The following ABHD12B variants were observed in gnomAD, a reference collection of about 807,000 sequenced individuals.
ABHD12B encodes the protein protein ABHD12B.
ABHD12B carries 42 observed loss-of-function variants against 50.4 expected under a neutral mutation model. The observed-to-expected ratio is 0.83, with a 90% CI of 0.65 to 1.08. ABHD12B has a LOEUF of 1.08. Among genes scored for constraint, ABHD12B ranks in the 50% least tolerant of loss-of-function variants. The pLI is 0.00. For missense variants in ABHD12B, 479 were observed against 447.7 expected (o/e 1.07, Z -0.63); for synonymous variants, 167 against 160.3 (o/e 1.04, Z -0.32).
At position 50,872,240 on chromosome 14, in the gene ABHD12B, C is replaced by T. The variant is rs1449676628; in HGVS notation, c.66C>T (p.Cys22=). 3 of 1,393,228 alleles carry T rather than the reference C, an allele frequency of 2.2e-6. No homozygotes were observed. The highest frequency in any genetic ancestry group is 5.5e-5 in the Admixed American group (2 of 36,072). The allele number at this position is 1,393,228 out of a possible 1,614,324, so 86.3% of individuals were successfully genotyped here. Residue 22 remains cysteine, a synonymous_variant, in exon 1 of 13, where the codon TGC becomes TGT. Coordinates refer to ENST00000337334, the MANE Select transcript of ABHD12B (RefSeq NM_001206673.2). ...PEPPGPPARS[C]VAAWWDMVDR... ...CGCCCGGGCCCCCAGCCCGTAGCTG[C>T]GTGGCCGCCTGGTGGGACATGGTCG...
intron 1 of ABHD12B, among the ~76,000 whole-genome samples, chr14:50,877,434 G>A (rs563698359): frequency 3.3e-5 from 5 of 152,228 alleles, no homozygotes; most frequent in Admixed American, 6.5e-5. Context: ...GCTGTGGTGC[G>A]AACATATCCC....
At chr14:50,891,309 A>T (rs538217112) in intron 9 of ABHD12B, 1 of 151,582 alleles carries the variant, frequency 6.6e-6, no homozygotes, top group Admixed American at 6.6e-5. Flanking sequence ...GTGGCGTGAT[A>T]TCGGCTCACT....
intron 9 of ABHD12B, among the ~76,000 whole-genome samples, chr14:50,901,006 A>C (rs1395297787): frequency 1.3e-5 from 2 of 152,222 alleles, no homozygotes; most frequent in Non-Finnish European, 1.5e-5. Context: ...TTGGAATTGC[A>C]GCTTAGTATA....
intron 2 of ABHD12B, 81 bp from the exon 3 acceptor site, chr14:50,878,664 G>A: frequency 8.8e-7 from 1 of 1,142,262 alleles, no homozygotes. Flanking sequence ...GTTAACCTGT[G>A]TAGGCTAATT....
chr14:50,901,475 C>A (rs1023027758), intron 9 of ABHD12B, among the ~76,000 whole-genome samples: 2 of 151,998 alleles, frequency 1.3e-5, no homozygotes, highest in Admixed American at 1.3e-4. Flanking sequence ...AATATTCTGT[C>A]CACCAACTAA....
chr14:50,895,206 T>A (rs1195221387), intron 9 of ABHD12B, among the ~76,000 whole-genome samples: 1 of 147,204 alleles, frequency 6.8e-6, no homozygotes, highest in East Asian at 1.9e-4. Context: ...TACATTTTAT[T>A]AGCCAATCTG....
At chr14:50,883,952 T>TAC (rs2142736582) in intron 5 of ABHD12B, among the ~76,000 whole-genome samples, 1 of 602 alleles carries the variant, frequency 1.7e-3, no homozygotes, top group African/African-American at 1.8e-3. Context: ...CTTTTGTTAC[T>TAC]ATGATTGTAT....
chr14:50,902,036 G>A, intron 10 of ABHD12B, 125 bp downstream of exon 10: 1 of 621,656 alleles, frequency 1.6e-6, no homozygotes, highest in Non-Finnish European at 2.7e-6. Context: ...TTAGAATATT[G>A]TTCTGCGCTT....
chr14:50,888,328 C>T (rs8009220), intron 8 of ABHD12B, among the ~76,000 whole-genome samples: 145,621 of 151,872 alleles, frequency 0.96, 70,099 homozygotes, highest in Middle Eastern at 1. Flanking sequence ...CTCAGCCTCT[C>T]GAGTAGCTGG....
chr14:50,891,400 G>C (rs945292084), intron 9 of ABHD12B: 1 of 152,206 alleles, frequency 6.6e-6, no homozygotes, highest in African/African-American at 2.4e-5. Flanking sequence ...CCGCCACCAT[G>C]CCTGGCTAAT....
rs981790576 is a variant in ABHD12B, at chr14:50,904,478, A to G, written c.*112A>G. ...CTGGTCGGATGAGCTGAGGCCATTG[A>G]CTTCTCTACAAATCACTTGCCATTT... On this transcript the variant is annotated 3_prime_UTR_variant, in exon 13 of 13. Coordinates refer to ENST00000337334, the MANE Select transcript of ABHD12B (RefSeq NM_001206673.2). 4.4e-6 allele frequency: 6 copies of G among 1,351,282 alleles called. No homozygotes were observed. The South Asian group carries it at 7.0e-5, about 16-fold the overall frequency. 83.7% of individuals were successfully genotyped at this position (1,351,282 alleles called of 1,614,324 possible).
At chr14:50,879,703 T>A (rs1412528338) in intron 3 of ABHD12B, among the ~76,000 whole-genome samples, 4 of 152,220 alleles carry the variant, frequency 2.6e-5, no homozygotes, top group Non-Finnish European at 5.9e-5. Context: ...AGAAATCTTT[T>A]TATTTTTTGC....
rs938604941 is a variant in ABHD12B at position 50,873,906 on chromosome 14, GA to G, written c.104+1634del. 3.4e-4 allele frequency among the ~76,000 whole-genome samples: 52 copies of G among 152,246 alleles called. 1 individual carries two copies. Among genetic ancestry groups the G allele is most frequent in the Middle Eastern group, 3.4e-3 (1 of 294 alleles). ...TCTATTACTTGCCTTACTAATTAGTGAAAAAAGTCTCAAGAGACACTTCCTG... is the reference window on the plus strand; with the variant it reads ...TCTATTACTTGCCTTACTAATTAGTGAAAAAGTCTCAAGAGACACTTCCTG... On this transcript the variant is annotated intron_variant, in intron 1 of 12. Transcript: ENST00000337334.
At position 50,904,649 on chromosome 14, in the gene ABHD12B, A is replaced by G. The variant is rs2050307751; in HGVS notation, c.*283A>G. The G allele has an allele frequency of 1.9e-6, 1 of 518,802 alleles. No homozygotes were observed. The highest frequency in any genetic ancestry group is 3.5e-6 in the Non-Finnish European group (1 of 289,400). The allele number at this position is 518,802 out of a possible 1,614,324, so 32.1% of individuals were successfully genotyped here. On this transcript the variant is annotated 3_prime_UTR_variant, in exon 13 of 13. Transcript: ENST00000337334. ...TCCTATCTAAAAATATGTAGTTATT[A>G]AACATTCTGTGGATATTTGTGAATA...
At chr14:50,902,714 A>G (rs2142774673) in intron 10 of ABHD12B, among the ~76,000 whole-genome samples, 1 of 152,342 alleles carries the variant, frequency 6.6e-6, no homozygotes, top group East Asian at 1.9e-4. Flanking sequence ...AGAAAATCCA[A>G]CATTCTCAGG....
chr14:50,872,900 T>C (rs2049805877), intron 1 of ABHD12B, among the ~76,000 whole-genome samples: 1 of 152,196 alleles, frequency 6.6e-6, no homozygotes, highest in African/African-American at 2.4e-5. Flanking sequence ...TTTCGGGTTT[T>C]GTTTCTGTTT....
intron 7 of ABHD12B, among the ~76,000 whole-genome samples, chr14:50,886,388 C>G (rs1052657088): frequency 6.8e-6 from 1 of 146,578 alleles, no homozygotes; most frequent in African/African-American, 2.6e-5. Context: ...TGCAGTGAGC[C>G]GAGATTGTAC....
intron 8 of ABHD12B, 35 bp from the exon 9 acceptor site, chr14:50,888,789 T>C (rs375299810): frequency 6.3e-7 from 1 of 1,579,002 alleles, no homozygotes; most frequent in Non-Finnish European, 8.7e-7. Flanking sequence ...AATAGGGGAG[T>C]TACTGATTTC....
chr14:50,896,071 T>G (rs1596020569), intron 9 of ABHD12B, among the ~76,000 whole-genome samples: 1 of 152,164 alleles, frequency 6.6e-6, no homozygotes, highest in East Asian at 1.9e-4. Context: ...AACCCACAAG[T>G]ATAAGATACC....
Sources: allele counts gnomAD v4.1 joint callset (sites outside exome capture counted in the v4.1 genomes callset), GRCh38; gene constraint gnomAD v4.1.1; transcripts MANE v1.5; gene names NCBI Gene and HGNC (gene_info 2026-07-23, HGNC 2026-07-21).